EIPR1: variants seen among roughly 807,000 people sequenced by gnomAD.
EIPR1 encodes EARP and GARP complex-interacting protein 1.
EIPR1 carries 25 observed loss-of-function variants against 48.1 expected under a neutral mutation model. The observed-to-expected ratio is 0.52, with a 90% CI of 0.38 to 0.73. The LOEUF is 0.73. Among genes scored for constraint, EIPR1 ranks in the 30% least tolerant of loss-of-function variants. The pLI is 0.00. For missense variants in EIPR1, 415 were observed against 506.2 expected (o/e 0.82, Z 1.73); for synonymous variants, 204 against 201.9 (o/e 1.01, Z -0.09).
chr2:3,352,799 C>T (rs1261649160), intron 2 of EIPR1, among the ~76,000 whole-genome samples: 1 of 152,212 alleles, frequency 6.6e-6, no homozygotes, highest in Admixed American at 6.5e-5. Flanking sequence ...GAGTTTGAGA[C>T]CAGCCTGGCC....
intron 1 of EIPR1, among the ~76,000 whole-genome samples, chr2:3,360,375 G>A (rs1443948658): frequency 6.7e-6 from 1 of 150,206 alleles, no homozygotes; most frequent in Non-Finnish European, 1.5e-5. Flanking sequence ...TTGCACTCCA[G>A]CCTAGGCGAC....
intron 3 of EIPR1, among the ~76,000 whole-genome samples, chr2:3,277,297 C>T (rs937245424): frequency 6.6e-6 from 1 of 152,146 alleles, no homozygotes; most frequent in East Asian, 1.9e-4. Flanking sequence ...CACACGGCTC[C>T]ACACGTGTCC....
At position 3,214,085 on chromosome 2, in the gene EIPR1, T is replaced by C. The variant is rs1665545211; in HGVS notation, c.516+64A>G. 7.5e-6 allele frequency: 11 copies of C among 1,464,790 alleles called. No individual in the cohort carries two copies. The Admixed American group carries it at 1.9e-4, about 25-fold the overall frequency. The allele number at this position is 1,464,790 out of a possible 1,614,324, so 90.7% of individuals were successfully genotyped here. A position where few individuals can be genotyped will look rare whatever the true frequency, so the allele number is the denominator to read the frequency against. ...TCATTGTTCAATTCCCACCTATGAG[T>C]GAGAACATGCGGGGTTTGGTTTAAA... On this transcript the variant is annotated intron_variant, in intron 5 of 8. Transcript: ENST00000382125.
intron 3 of EIPR1, among the ~76,000 whole-genome samples, chr2:3,314,886 C>A (rs1228373357): frequency 1.3e-5 from 2 of 151,870 alleles, no homozygotes; most frequent in Non-Finnish European, 2.9e-5. Flanking sequence ...TGACCTGCCG[C>A]TCACTCTCAG....
intron 3 of EIPR1, among the ~76,000 whole-genome samples, chr2:3,307,347 G>A (rs866028319): frequency 3.3e-5 from 5 of 152,274 alleles, no homozygotes; most frequent in Admixed American, 1.3e-4. Context: ...CGGACCCAGC[G>A]GCTCCTGCCC....
chr2:3,201,959 C>T (rs368550115), intron 5 of EIPR1, among the ~76,000 whole-genome samples: 12 of 152,092 alleles, frequency 7.9e-5, no homozygotes, highest in Admixed American at 4.6e-4. Flanking sequence ...TTTTTTGAGA[C>T]GGAGTCTCAC....
intron 6 of EIPR1, among the ~76,000 whole-genome samples, chr2:3,194,867 T>A (rs1664755434): frequency 6.6e-6 from 1 of 152,034 alleles, no homozygotes; most frequent in South Asian, 2.1e-4. Flanking sequence ...CAGCTCCAGG[T>A]CCAACACTGC....
At chr2:3,377,475 C>A (rs1659929947) in intron 1 of EIPR1, 173 bp downstream of exon 1, 2 of 771,858 alleles carry the variant, frequency 2.6e-6, no homozygotes, top group Admixed American at 2.9e-5. Context: ...TTATCCAGTA[C>A]AACCGTTTAA....
intron 3 of EIPR1, among the ~76,000 whole-genome samples, chr2:3,274,892 T>A (rs1558266633): frequency 6.6e-6 from 1 of 152,214 alleles, no homozygotes; most frequent in East Asian, 1.9e-4. Flanking sequence ...TAACAACATG[T>A]TATCAGTAGA....
chr2:3,328,991 C>T (rs1159202080), intron 3 of EIPR1, among the ~76,000 whole-genome samples: 2 of 99,356 alleles, frequency 2.0e-5, no homozygotes, highest in African/African-American at 5.0e-5. Context: ...AGCCCACCCA[C>T]CACGTTCTAA....
At chr2:3,266,528 G>A (rs1667494977) in intron 3 of EIPR1, among the ~76,000 whole-genome samples, 2 of 152,240 alleles carry the variant, frequency 1.3e-5, no homozygotes, top group East Asian at 1.9e-4. Flanking sequence ...GCAGAAGGCG[G>A]CAAGGCTGAT....
intron 3 of EIPR1, among the ~76,000 whole-genome samples, chr2:3,279,468 C>T (rs2103257387): frequency 6.6e-6 from 1 of 152,350 alleles, no homozygotes; most frequent in South Asian, 2.1e-4. Context: ...GGAATCCCCG[C>T]TTGTGGCCTG....
chr2:3,297,228 G>A (rs1048767598), intron 3 of EIPR1, among the ~76,000 whole-genome samples: 1 of 152,232 alleles, frequency 6.6e-6, no homozygotes, highest in Non-Finnish European at 1.5e-5. Flanking sequence ...GATGGAATCC[G>A]ACTACGGAAT....
At chr2:3,303,693 C>A (rs1213539574) in intron 3 of EIPR1, among the ~76,000 whole-genome samples, 2 of 152,232 alleles carry the variant, frequency 1.3e-5, no homozygotes, top group Non-Finnish European at 2.9e-5. Flanking sequence ...CCGCCAGACG[C>A]CGGCAACCTG....
chr2:3,229,746 T>C (rs891071686), intron 4 of EIPR1, among the ~76,000 whole-genome samples: 2 of 152,188 alleles, frequency 1.3e-5, no homozygotes, highest in Non-Finnish European at 2.9e-5. Context: ...ATGCGGTGCT[T>C]TTCTATTTTT....
At chr2:3,330,959 C>G (rs1157009922) in intron 3 of EIPR1, among the ~76,000 whole-genome samples, 1 of 151,368 alleles carries the variant, frequency 6.6e-6, no homozygotes, top group Non-Finnish European at 1.5e-5. Flanking sequence ...TGAGCAGAGG[C>G]AAGCGCATGT....
chr2:3,254,257 G>C (rs1667087353), intron 4 of EIPR1, among the ~76,000 whole-genome samples: 1 of 152,204 alleles, frequency 6.6e-6, no homozygotes, highest in African/African-American at 2.4e-5. Flanking sequence ...ATGCTGGGGA[G>C]GACGCAGAGA....
At chr2:3,296,021 C>G (rs1668571721) in intron 3 of EIPR1, among the ~76,000 whole-genome samples, 3 of 128,550 alleles carry the variant, frequency 2.3e-5, no homozygotes, top group South Asian at 2.8e-4. Context: ...CACCCTCCAT[C>G]CAGCCCATCC....
chr2:3,232,946 A>G (rs1666288168), intron 4 of EIPR1, among the ~76,000 whole-genome samples: 1 of 152,222 alleles, frequency 6.6e-6, no homozygotes, highest in Non-Finnish European at 1.5e-5. Flanking sequence ...AAACACAAGA[A>G]GCCTCTTGCC....
Sources: gnomAD v4.1 joint callset for allele counts (sites outside exome capture counted in the v4.1 genomes callset) on GRCh38, gnomAD v4.1.1 for gene constraint, MANE v1.5 for transcripts, NCBI Gene and HGNC (gene_info 2026-07-23, HGNC 2026-07-21) for gene names.